Variants in ST6GALNAC5 observed in about 807,000 individuals in gnomAD.
ST6GALNAC5 encodes the protein ST6 N-acetylgalactosaminide alpha-2,6-sialyltransferase 5, also known as alpha-N-acetylgalactosaminide alpha-2,6-sialyltransferase 5.
In ST6GALNAC5, 27 loss-of-function variants were observed where a neutral mutation model predicts 33.6. The ratio of observed to expected loss-of-function variants is 0.80; its 90% CI spans 0.59 to 1.11. The LOEUF (loss-of-function observed/expected upper bound fraction) is 1.11. ST6GALNAC5 is among the 50% of genes least tolerant of loss of function. The probability of loss-of-function intolerance (pLI) is 0.00; values close to 1 mark genes in which losing one functional copy is unlikely to be tolerated. For synonymous variants in ST6GALNAC5, 194 were observed against 171.2 expected (o/e 1.13, Z -1.04); for missense variants, 428 against 454.0 (o/e 0.94, Z 0.52).
At chr1:77,052,122 A>C (rs143255337) in intron 4 of ST6GALNAC5, among the ~76,000 whole-genome samples, 2 of 152,212 alleles carry the variant, frequency 1.3e-5, no homozygotes, top group Non-Finnish European at 2.9e-5. Flanking sequence ...TTCCTAAGCT[A>C]TCATCCCCAA....
intron 2 of ST6GALNAC5, among the ~76,000 whole-genome samples, chr1:76,884,818 CATCAATGGGCAAAAGA>C (rs1653857247): frequency 6.6e-6 from 1 of 152,100 alleles, no homozygotes; most frequent in Non-Finnish European, 1.5e-5. Flanking sequence ...GATAAAAGAA[CATCAATGGGCAAAAGA>C]ATCACTTAGT....
At chr1:76,879,320 C>CT (rs536563631) in intron 2 of ST6GALNAC5, among the ~76,000 whole-genome samples, 33 of 152,068 alleles carry the variant, frequency 2.2e-4, no homozygotes, top group Non-Finnish European at 4.0e-4. Context: ...CTATTAGAAC[C>CT]TTTTTTTAAC....
chr1:77,034,041 T>C (rs967736397), intron 2 of ST6GALNAC5, among the ~76,000 whole-genome samples: 2 of 152,146 alleles, frequency 1.3e-5, no homozygotes, highest in African/African-American at 4.8e-5. Context: ...AGCGACCTTG[T>C]TGGTGGCAAA....
intron 2 of ST6GALNAC5, among the ~76,000 whole-genome samples, chr1:76,941,871 G>A (rs888919350): frequency 7.9e-5 from 12 of 152,170 alleles, no homozygotes; most frequent in African/African-American, 2.9e-4. Flanking sequence ...AATTTGTTAC[G>A]ACTGCCTCAG....
intron 2 of ST6GALNAC5, among the ~76,000 whole-genome samples, chr1:77,029,129 A>G (rs2100445848): frequency 6.6e-6 from 1 of 152,324 alleles, no homozygotes; most frequent in Non-Finnish European, 1.5e-5. Flanking sequence ...GGGTTACAGA[A>G]GATCATTACG....
In ST6GALNAC5 at chr1:77,044,525, G is replaced by C. The variant is rs773037681; in HGVS notation, c.583G>C (p.Val195Leu). ...VYNNLHLLSQ[V>L]LPRLKAFMIT... is the part of the protein sequence containing the mutation. ...CAACAACCTGCATCTCCTGAGCCAGGTGCTGCCCCGGCTGAAGGCCTTCAT... is the reference window on the plus strand; with the variant it reads ...CAACAACCTGCATCTCCTGAGCCAGCTGCTGCCCCGGCTGAAGGCCTTCAT... The change falls in exon 3 of 5, where the codon GTG becomes CTG. Residue 195 changes from valine (V) to leucine (L), a missense_variant. Val to Leu is a conservative substitution (Grantham distance 32, BLOSUM62 1). Transcript: ENST00000477717. 17 of 1,611,024 alleles carry C rather than the reference G, an allele frequency of 1.1e-5. No homozygotes were observed. The Admixed American group carries it at 2.8e-4, about 27-fold the overall frequency.
chr1:77,031,136 C>G (rs1193637191), intron 2 of ST6GALNAC5, among the ~76,000 whole-genome samples: 1 of 152,206 alleles, frequency 6.6e-6, no homozygotes. Flanking sequence ...AAGTCCCTCC[C>G]CAGTGGGTAC....
chr1:76,983,128 A>G (rs968312020), intron 2 of ST6GALNAC5, among the ~76,000 whole-genome samples: 1 of 152,190 alleles, frequency 6.6e-6, no homozygotes, highest in African/African-American at 2.4e-5. Context: ...ACCAGCAAAC[A>G]TCATAATGAC....
In ST6GALNAC5 at chr1:76,899,880, A is replaced by T. The variant is rs185353664; in HGVS notation, c.261+31138A>T. Among the ~76,000 whole-genome samples, 122 of 152,290 alleles carry T rather than the reference A, an allele frequency of 8.0e-4. No individual in the cohort carries two copies. The East Asian group carries it at 0.022, about 27-fold the overall frequency. ...TTGGGCTGGTTGGTCGGAGGACCAG[A>T]GGTTGTAGGTGGATCTTTCTCATGG... On this transcript the variant is annotated intron_variant, in intron 2 of 4. Coordinates refer to ENST00000477717, the MANE Select transcript of ST6GALNAC5 (RefSeq NM_030965.3).
At chr1:76,958,322 T>C (rs1170009764) in intron 2 of ST6GALNAC5, among the ~76,000 whole-genome samples, 1 of 152,252 alleles carries the variant, frequency 6.6e-6, no homozygotes, top group Non-Finnish European at 1.5e-5. Context: ...AAGTGCTTTT[T>C]TGTACACATT....
chr1:76,907,866 C>T (rs952570099), intron 2 of ST6GALNAC5, among the ~76,000 whole-genome samples: 1 of 152,110 alleles, frequency 6.6e-6, no homozygotes, highest in Non-Finnish European at 1.5e-5. Flanking sequence ...GTCCCCTCCT[C>T]TATATTTGGT....
chr1:76,933,383 A>C (rs1316725590), intron 2 of ST6GALNAC5, among the ~76,000 whole-genome samples: 4 of 152,056 alleles, frequency 2.6e-5, no homozygotes, highest in Non-Finnish European at 5.9e-5. Context: ...ACATTGTTGT[A>C]TGCATGCAGA....
intron 2 of ST6GALNAC5, among the ~76,000 whole-genome samples, chr1:76,961,077 T>G (rs1338509936): frequency 6.6e-6 from 1 of 152,160 alleles, no homozygotes; most frequent in East Asian, 1.9e-4. Context: ...GAGATTGCAG[T>G]AGAGACAGGC....
At chr1:77,060,528 G>A (rs144672476) in intron 4 of ST6GALNAC5, among the ~76,000 whole-genome samples, 53 of 152,198 alleles carry the variant, frequency 3.5e-4, no homozygotes, top group Non-Finnish European at 6.2e-4. Flanking sequence ...AGTTTCCAGC[G>A]CTGCCTTCTG....
intron 2 of ST6GALNAC5, among the ~76,000 whole-genome samples, chr1:76,982,042 A>G (rs1043362138): frequency 5.3e-5 from 8 of 152,370 alleles, no homozygotes; most frequent in Admixed American, 3.9e-4. Context: ...AGATAAAACC[A>G]CAAAGATGGG....
intron 2 of ST6GALNAC5, among the ~76,000 whole-genome samples, chr1:76,966,602 C>T (rs569913379): frequency 3.3e-5 from 5 of 152,230 alleles, no homozygotes; most frequent in African/African-American, 1.2e-4. Flanking sequence ...TTTCTCTTGC[C>T]TGATTGCCCT....
chr1:76,972,559 A>G (rs1648806343), intron 2 of ST6GALNAC5, among the ~76,000 whole-genome samples: 2 of 152,184 alleles, frequency 1.3e-5, no homozygotes, highest in Admixed American at 6.5e-5. Flanking sequence ...CATATTATAT[A>G]TTATACTTAA....
chr1:76,993,758 C>A (rs1452765748), intron 2 of ST6GALNAC5, among the ~76,000 whole-genome samples: 1 of 152,122 alleles, frequency 6.6e-6, no homozygotes, highest in East Asian at 1.9e-4. Flanking sequence ...TCTTTGAATG[C>A]CTCCTTTGTG....
intron 2 of ST6GALNAC5, among the ~76,000 whole-genome samples, chr1:77,016,181 C>CCCTCCTCCTCCTGTATCTTCCCCT (rs1650837145): frequency 3.4e-5 from 1 of 29,592 alleles, no homozygotes; most frequent in African/African-American, 1.0e-4. Context: ...CCTGTCCTCC[C>CCCTCCTCCTCCTGTATCTTCCCCT]CCTCCTCCTC....
Sources: allele counts gnomAD v4.1 joint callset (sites outside exome capture counted in the v4.1 genomes callset), GRCh38; gene constraint gnomAD v4.1.1; transcripts MANE v1.5; gene names NCBI Gene and HGNC (gene_info 2026-07-23, HGNC 2026-07-21).